The following FUNDC1 variants were observed in gnomAD, a reference collection of about 807,000 sequenced individuals.
FUNDC1 encodes the protein FUN14 domain containing 1.
In FUNDC1, 10 loss-of-function variants were observed where a neutral mutation model predicts 14.5. That is an observed-to-expected ratio of 0.69 (90% CI 0.43 to 1.17). The LOEUF (loss-of-function observed/expected upper bound fraction) is 1.17. FUNDC1 is among the 50% of genes most tolerant of loss of function. The pLI is 0.00. For synonymous variants in FUNDC1, 33 were observed against 39.7 expected, an observed-to-expected ratio of 0.83 and a Z score of 0.64; for missense variants, 115 against 113.8, an observed-to-expected ratio of 1.01 and a Z score of -0.05.
At chrX:44,530,488 C>A (rs1462266007) in intron 3 of FUNDC1, among the ~76,000 whole-genome samples, 1 of 109,882 alleles carries the variant, frequency 9.1e-6, no homozygotes, top group East Asian at 2.9e-4. Flanking sequence ...TGCCTGTAAT[C>A]CCAGCTACTT....
At position 44,538,495 on chromosome X, in the gene FUNDC1, G is replaced by A. The variant is rs761748770; in HGVS notation, c.233C>T (p.Ala78Val). The change falls in exon 3 of 5, where the codon GCA becomes GTA. Residue 78 changes from alanine (A) to valine (V), a missense_variant. Ala to Val is a moderately conservative substitution (Grantham distance 64). Transcript: ENST00000378045. ...AAGAAGAAGAAAGCCACCACCTACT[G>A]CAGTTGCTGCAAGTTTTCCAACTTT... ...FQKVGKLAAT[A>V]VGGGFLLLQI... The A allele has an allele frequency of 1.7e-6, 2 of 1,207,476 alleles. No homozygotes were observed. Among genetic ancestry groups the A allele is most frequent in the Non-Finnish European group, 2.2e-6 (2 of 891,692 alleles).
intron 3 of FUNDC1, among the ~76,000 whole-genome samples, chrX:44,533,927 T>C (rs1375774014): frequency 2.9e-5 from 3 of 105,244 alleles, no homozygotes; most frequent in Non-Finnish European, 5.8e-5. Flanking sequence ...TAGCCAGGCA[T>C]GGTGGTGCAT....
chrX:44,527,175 G>A, intron 4 of FUNDC1, 62 bp downstream of exon 4: 1 of 901,085 alleles, frequency 1.1e-6, no homozygotes. Flanking sequence ...TTCTGCTAAG[G>A]GATACCCATT....
At chrX:44,542,353 C>T (rs2147478281) in intron 1 of FUNDC1, 1 of 386,388 alleles carries the variant, frequency 2.6e-6, no homozygotes, top group East Asian at 4.5e-5. Flanking sequence ...GAAGCCAGGG[C>T]CAACTCAGAA....
intron 4 of FUNDC1, among the ~76,000 whole-genome samples, chrX:44,524,894 C>T (rs189500670): frequency 9.0e-6 from 1 of 111,071 alleles, no homozygotes; most frequent in African/African-American, 3.3e-5. Flanking sequence ...GATGAATGGC[C>T]CATCATCAAG....
chrX:44,527,538 C>CT (rs1203369986), intron 3 of FUNDC1, among the ~76,000 whole-genome samples, 173 bp from the exon 4 acceptor site: 7 of 111,701 alleles, frequency 6.3e-5, no homozygotes, highest in African/African-American at 2.3e-4. Flanking sequence ...CTACCCTATG[C>CT]TAAGTACTGA....
At chrX:44,533,650 C>A (rs60898754) in intron 3 of FUNDC1, among the ~76,000 whole-genome samples, 8,761 of 70,264 alleles carry the variant, frequency 0.12, 1,220 homozygotes, top group African/African-American at 0.35. Context: ...AAAAAAAAAA[C>A]AACAAAACAA....
intron 2 of FUNDC1, among the ~76,000 whole-genome samples, chrX:44,541,196 C>T (rs1014739314): frequency 1.8e-5 from 2 of 112,437 alleles, no homozygotes; most frequent in Non-Finnish European, 1.9e-5. Flanking sequence ...CAAAATTTCT[C>T]TACAGTCACG....
chrX:44,538,616 T>C (rs1036237554), intron 2 of FUNDC1, 74 bp from the exon 3 acceptor site: 2 of 786,145 alleles, frequency 2.5e-6, no homozygotes, highest in Non-Finnish European at 3.8e-6. Context: ...TTTTCATTGC[T>C]TTCCTAATAA....
chrX:44,524,442 G>T (rs1353311297), intron 4 of FUNDC1, among the ~76,000 whole-genome samples, 167 bp from the exon 5 acceptor site: 2 of 111,246 alleles, frequency 1.8e-5, no homozygotes, highest in South Asian at 7.5e-4. Context: ...GAGCTGGGGA[G>T]AGAGGGAAAC....
intron 3 of FUNDC1, among the ~76,000 whole-genome samples, chrX:44,528,822 G>A (rs1449971182): frequency 2.7e-5 from 3 of 111,685 alleles, no homozygotes; most frequent in Admixed American, 1.9e-4. Context: ...TCAGCCTCCC[G>A]AGTAGCTGGG....
intron 1 of FUNDC1, 156 bp from the exon 2 acceptor site, chrX:44,542,257 T>C (rs974917193): frequency 3.1e-5 from 14 of 449,214 alleles, no homozygotes; most frequent in Non-Finnish European, 4.6e-5. Flanking sequence ...ACTCAATTCT[T>C]GAGACCAGGG....
intron 3 of FUNDC1, among the ~76,000 whole-genome samples, chrX:44,531,327 C>A (rs1241755317): frequency 1.5e-4 from 10 of 65,219 alleles, no homozygotes; most frequent in African/African-American, 4.8e-4. Flanking sequence ...CACACACACA[C>A]ACACACACAC....
intron 3 of FUNDC1, 122 bp from the exon 4 acceptor site, chrX:44,527,487 CTT>C (rs1201715095): frequency 2.2e-6 from 1 of 460,987 alleles, no homozygotes; most frequent in Non-Finnish European, 3.3e-6. Flanking sequence ...TAAGAAATTG[CTT>C]TTTCTCCACT....
chrX:44,540,442 G>GTGTGTGTGT (rs2038967208), intron 2 of FUNDC1, among the ~76,000 whole-genome samples: 1 of 108,718 alleles, frequency 9.2e-6, no homozygotes, highest in African/African-American at 3.4e-5. Context: ...GTGTGTGTGT[G>GTGTGTGTGT]TATGTATATA....
At chrX:44,532,556 TA>T (rs1447716915) in intron 3 of FUNDC1, among the ~76,000 whole-genome samples, 19 of 105,105 alleles carry the variant, frequency 1.8e-4, no homozygotes, top group Admixed American at 7.2e-4. Flanking sequence ...TATATATATA[TA>T]TTTTTTTTTT....
chrX:44,535,804 G>A (rs200395472), intron 3 of FUNDC1, among the ~76,000 whole-genome samples: 1 of 107,905 alleles, frequency 9.3e-6, no homozygotes. Flanking sequence ...TGGCCAACAT[G>A]GTGAAACCCC....
chrX:44,531,733 G>A (rs1481156322), intron 3 of FUNDC1, among the ~76,000 whole-genome samples: 1 of 99,365 alleles, frequency 1.0e-5, no homozygotes, highest in Non-Finnish European at 2.0e-5. Flanking sequence ...AAACACCTTA[G>A]ACAAACAGGG....
chrX:44,530,353 G>A (rs1223093320), intron 3 of FUNDC1, among the ~76,000 whole-genome samples: 1 of 111,891 alleles, frequency 8.9e-6, no homozygotes, highest in Non-Finnish European at 1.9e-5. Flanking sequence ...CGCCTGTAAT[G>A]TTAGCACTTT....
Sources: allele counts gnomAD v4.1 joint callset (sites outside exome capture counted in the v4.1 genomes callset), GRCh38; gene constraint gnomAD v4.1.1; transcripts MANE v1.5; gene names NCBI Gene and HGNC (gene_info 2026-07-23, HGNC 2026-07-21).